The following NDC1 variants were observed in gnomAD, a reference collection of about 807,000 sequenced individuals.
The protein encoded by NDC1 is NDC1 transmembrane nucleoporin.
NDC1 carries 24 observed loss-of-function variants against 89.8 expected under a neutral mutation model. The observed-to-expected ratio is 0.27, with a 90% CI of 0.19 to 0.38. The LOEUF (loss-of-function observed/expected upper bound fraction) is 0.38. Among genes scored for constraint, NDC1 ranks in the 10% least tolerant of loss-of-function variants. The pLI is 1.00. For missense variants in NDC1, 728 were observed against 797.6 expected (o/e 0.91, Z 1.05); for synonymous variants, 296 against 284.8 (o/e 1.04, Z -0.39).
At position 53,838,229 on chromosome 1, in the gene NDC1, G is replaced by T. The variant is rs1191961863; in HGVS notation, c.33C>A (p.Gly11=). Reference sequence around the variant, plus strand: ...CGCGCCACAGTATGTCCCGCGACCTGCCGGCGCAGGGCCGGCTCACGGCCG... The same window carrying T: ...CGCGCCACAGTATGTCCCGCGACCTTCCGGCGCAGGGCCGGCTCACGGCCG... MATAVSRPCA[G]RSRDILWRVL... is the part of the protein sequence containing the mutation. The change falls in exon 1 of 18, where the codon GGC becomes GGA. Residue 11 remains glycine (G), a synonymous_variant. Transcript: ENST00000371429. 5.2e-6 allele frequency: 8 copies of T among 1,536,522 alleles called. No homozygotes were observed. Among genetic ancestry groups the T allele is most frequent in the Non-Finnish European group, 7.0e-6 (8 of 1,145,984 alleles).
chr1:53,832,185 T>C lies in NDC1; in HGVS notation c.280+305A>G, dbSNP rs116476923. ...CACAACTCTACCCATTAAACAGCAATTCTCCACTCCCCCTCCCCCAGCGCC... is the reference window on the plus strand; with the variant it reads ...CACAACTCTACCCATTAAACAGCAACTCTCCACTCCCCCTCCCCCAGCGCC... On this transcript the variant is annotated intron_variant, in intron 3 of 17. Coordinates refer to ENST00000371429, the MANE Select transcript of NDC1 (RefSeq NM_018087.5). Among the ~76,000 whole-genome samples, 709 of 152,166 alleles carry C rather than the reference T, an allele frequency of 4.7e-3. 3 individuals carry two copies. Among genetic ancestry groups the C allele is most frequent in the African/African-American group, 0.016 (679 of 41,508 alleles).
At chr1:53,790,981 T>G (rs1310269829) in intron 14 of NDC1, among the ~76,000 whole-genome samples, 2 of 152,128 alleles carry the variant, frequency 1.3e-5, no homozygotes, top group East Asian at 3.8e-4. Flanking sequence ...AACATTGGAT[T>G]TATTCCTTCT....
In NDC1 at chr1:53,815,989, T is replaced by C. The variant is rs915715049; in HGVS notation, c.703+2982A>G. 3.9e-5 allele frequency among the ~76,000 whole-genome samples: 6 copies of C among 152,256 alleles called. No individual in the cohort carries two copies. In the East Asian group the frequency reaches 1.2e-3, roughly 29 times the overall value. On this transcript the variant is annotated intron_variant, in intron 6 of 17. Coordinates refer to ENST00000371429, the MANE Select transcript of NDC1 (RefSeq NM_018087.5). ...TGGAAACACATCCCATGCTCATGGA[T>C]GGGTAATTAATATTATGAAAATGAC...
At chr1:53,807,920 A>G (rs1036643655) in intron 7 of NDC1, 129 bp from the exon 8 acceptor site, 6 of 835,880 alleles carry the variant, frequency 7.2e-6, no homozygotes, top group African/African-American at 5.3e-5. Context: ...CTCTCCTTCG[A>G]TATCTTTATA....
chr1:53,796,927 C>A lies in NDC1; in HGVS notation c.1440G>T (p.Arg480Ser). The change falls in exon 12 of 18, where the codon AGG (arginine) becomes AGT (serine). Residue 480 changes from arginine to serine, a missense_variant. Physicochemically the swap from Arg to Ser is moderately radical, Grantham distance 110 (BLOSUM62 -1). Coordinates refer to ENST00000371429, the MANE Select transcript of NDC1 (RefSeq NM_018087.5). ...GSPQSPQLIRRGPRLWTSASD... is the reference protein window; with the variant it reads ...GSPQSPQLIRSGPRLWTSASD... ...AAGCTGATGTCCACAATCTTGGCCC[C>A]CTTCTTATTAGCTGAGGACTTTGCG... is the stretch of plus-strand genomic sequence containing the variant. 6.2e-6 allele frequency: 10 copies of A among 1,614,112 alleles called. No individual in the cohort carries two copies. Among genetic ancestry groups the A allele is most frequent in the Non-Finnish European group, 6.8e-6 (8 of 1,180,020 alleles).
At chr1:53,786,189 G>C (rs1327146663) in intron 16 of NDC1, among the ~76,000 whole-genome samples, 3 of 152,108 alleles carry the variant, frequency 2.0e-5, no homozygotes, top group African/African-American at 4.8e-5. Flanking sequence ...GCCTCCCAAA[G>C]TGTTGGGATT....
chr1:53,828,754 G>A (rs75430878), intron 3 of NDC1, among the ~76,000 whole-genome samples: 9 of 151,688 alleles, frequency 5.9e-5, no homozygotes, highest in East Asian at 1.9e-4. Flanking sequence ...TGGGATTACC[G>A]GTGCCTGCCA....
chr1:53,830,786 C>T (rs1649034719), intron 3 of NDC1, among the ~76,000 whole-genome samples: 2 of 150,042 alleles, frequency 1.3e-5, no homozygotes, highest in African/African-American at 2.5e-5. Flanking sequence ...CGCTTGAAAC[C>T]GGGAGGCAGA....
At chr1:53,828,768 T>C (rs997674398) in intron 3 of NDC1, among the ~76,000 whole-genome samples, 1 of 151,750 alleles carries the variant, frequency 6.6e-6, no homozygotes. Flanking sequence ...CCTGCCACCA[T>C]GCCTGGCTAG....
At chr1:53,821,690 A>G (rs1254988301) in intron 5 of NDC1, among the ~76,000 whole-genome samples, 1 of 152,210 alleles carries the variant, frequency 6.6e-6, no homozygotes, top group Non-Finnish European at 1.5e-5. Context: ...CTAGGGAAGC[A>G]GGTCGACATT....
intron 14 of NDC1, among the ~76,000 whole-genome samples, chr1:53,792,128 G>C (rs1216089154): frequency 6.6e-6 from 1 of 152,040 alleles, no homozygotes; most frequent in Admixed American, 6.6e-5. Context: ...ATTTTTAGTA[G>C]AGACAGGGTT....
At chr1:53,770,386 A>C (rs1423933442) in intron 17 of NDC1, among the ~76,000 whole-genome samples, 1 of 152,044 alleles carries the variant, frequency 6.6e-6, no homozygotes, top group African/African-American at 2.4e-5. Flanking sequence ...GGCTCACTGC[A>C]ACCTCCACTT....
At chr1:53,778,599 GAA>G (rs148642793) in intron 16 of NDC1, among the ~76,000 whole-genome samples, 6 of 130,788 alleles carry the variant, frequency 4.6e-5, no homozygotes, top group African/African-American at 1.4e-4. Context: ...TATTAAAAAA[GAA>G]AAAAAAAAGA....
intron 17 of NDC1, chr1:53,771,270 G>A (rs1318949331): frequency 6.6e-6 from 1 of 152,108 alleles, no homozygotes; most frequent in Non-Finnish European, 1.5e-5. Context: ...GCAGTCTAGT[G>A]TTGTAGATAG....
intron 1 of NDC1, 104 bp downstream of exon 1, chr1:53,838,101 C>T: frequency 9.5e-7 from 1 of 1,056,582 alleles, no homozygotes; most frequent in South Asian, 1.5e-5. Flanking sequence ...TCTCTCCACG[C>T]TGCCCCGGGA....
intron 3 of NDC1, among the ~76,000 whole-genome samples, chr1:53,830,312 G>A (rs577212693): frequency 1.3e-5 from 2 of 151,764 alleles, no homozygotes; most frequent in Admixed American, 6.6e-5. Flanking sequence ...AAATTAGCCA[G>A]GCATGGTGGC....
chr1:53,787,664 GATAAATAAATAA>G lies in NDC1; in HGVS notation c.1700-418_1700-407del, dbSNP rs56823781. On this transcript the variant is annotated intron_variant, in intron 15 of 17. Transcript: ENST00000371429. ...AAATAAAAAGTAAAATAAATAAATA[GATAAATAAATAA>G]ATAAATAAATAAATAAATAAAGGGA... Among the ~76,000 whole-genome samples, 291 of 146,828 alleles carry G rather than the reference GATAAATAAATAA, an allele frequency of 2.0e-3. 1 individual carries two copies. Among genetic ancestry groups the G allele is most frequent in the African/African-American group, 6.3e-3 (248 of 39,450 alleles).
intron 10 of NDC1, among the ~76,000 whole-genome samples, chr1:53,802,819 G>A (rs1647966746): frequency 6.6e-6 from 1 of 152,168 alleles, no homozygotes; most frequent in South Asian, 2.1e-4. Context: ...CACTGTAAGT[G>A]TTTCAGAGTT....
Position 53,767,947 on chromosome 1 carries a change from T to G in NDC1, c.*23A>C. The stretch of plus-strand genomic sequence containing the variant: ...ATCTGTAGTTGTATCAGCAGTGTAA[T>G]GAACACAGTTTATATTACTTAACTA... On this transcript the variant is annotated 3_prime_UTR_variant, in exon 18 of 18. Coordinates refer to ENST00000371429, the MANE Select transcript of NDC1 (RefSeq NM_018087.5). 2.0e-6 allele frequency: 3 copies of G among 1,499,088 alleles called. No individual in the cohort carries two copies. The highest frequency in any genetic ancestry group is 1.7e-4 in the Middle Eastern group (1 of 5,812). 92.9% of individuals were successfully genotyped at this position (1,499,088 alleles called of 1,614,324 possible). A position where few individuals can be genotyped will look rare whatever the true frequency, so the allele number is the denominator to read the frequency against.
Sources: allele counts gnomAD v4.1 joint callset (sites outside exome capture counted in the v4.1 genomes callset), GRCh38; gene constraint gnomAD v4.1.1; transcripts MANE v1.5; gene names NCBI Gene and HGNC (gene_info 2026-07-23, HGNC 2026-07-21).